B3GALT1: variants seen among roughly 807,000 people sequenced by gnomAD.
B3GALT1 encodes the protein beta-1,3-galactosyltransferase 1.
A neutral mutation model predicts 23.2 loss-of-function variants in B3GALT1; 10 were observed. The observed-to-expected ratio is 0.43, with a 90% CI of 0.27 to 0.73. The LOEUF (loss-of-function observed/expected upper bound fraction) is 0.73, where lower values mean the gene tolerates loss of function less well. B3GALT1 is among the 30% of genes least tolerant of loss of function. The pLI is 0.21. For synonymous variants in B3GALT1, 156 were observed against 141.5 expected, an observed-to-expected ratio of 1.10 and a Z score of -0.73; for missense variants, 299 against 405.4, an observed-to-expected ratio of 0.74 and a Z score of 2.25.
At chr2:167,367,359 G>A (rs1357048673) in intron 1 of B3GALT1, among the ~76,000 whole-genome samples, 4 of 152,142 alleles carry the variant, frequency 2.6e-5, no homozygotes, top group Non-Finnish European at 5.9e-5. Flanking sequence ...TTCCAGTGAG[G>A]ATGTGATGGA....
chr2:167,687,410 A>G, intron 3 of B3GALT1, among the ~76,000 whole-genome samples: 1 of 152,212 alleles, frequency 6.6e-6, no homozygotes, highest in East Asian at 1.9e-4. Context: ...GTGAAAATAT[A>G]CCATGTCATT....
intron 3 of B3GALT1, among the ~76,000 whole-genome samples, chr2:167,786,011 T>G (rs1313580042): frequency 2.0e-5 from 3 of 152,238 alleles, no homozygotes; most frequent in Non-Finnish European, 1.5e-5. Context: ...AAAGCAATTT[T>G]CCCTGCTCAT....
intron 2 of B3GALT1, among the ~76,000 whole-genome samples, chr2:167,539,362 G>A (rs1447787456): frequency 1.3e-5 from 2 of 152,052 alleles, no homozygotes; most frequent in African/African-American, 4.8e-5. Flanking sequence ...CAAAAATAAA[G>A]TGAAAATACC....
At chr2:167,568,984 T>C (rs1320815247) in intron 2 of B3GALT1, among the ~76,000 whole-genome samples, 2 of 152,014 alleles carry the variant, frequency 1.3e-5, no homozygotes, top group Non-Finnish European at 2.9e-5. Flanking sequence ...AAGACCATCA[T>C]TGTTCCATTT....
chr2:167,548,277 G>A (rs1683676775), intron 2 of B3GALT1, among the ~76,000 whole-genome samples: 1 of 152,086 alleles, frequency 6.6e-6, no homozygotes, highest in Admixed American at 6.6e-5. Context: ...CCTTAGAGAA[G>A]GAAATCAAAA....
Position 167,869,582 on chromosome 2 carries a change from T to G in B3GALT1, c.543T>G (p.Phe181Leu). Reference sequence around the variant, plus strand: ...TCATGAAAACAGACAGCGACATTTTTGTAAACATGGACAATCTTATTTATA... The same window carrying G: ...TCATGAAAACAGACAGCGACATTTTGGTAAACATGGACAATCTTATTTATA... ...KYVMKTDSDI[F>L]VNMDNLIYKL... The change falls in exon 5 of 5, where the codon TTT becomes TTG. Residue 181 changes from phenylalanine to leucine, a missense_variant. By Grantham distance (22) the Phe-to-Leu change is conservative. Around this residue, in one of 3 missense-constraint regions of B3GALT1, gnomAD observed 133 missense variants for 204.8 expected, o/e 0.65. Coordinates refer to ENST00000392690, the MANE Select transcript of B3GALT1 (RefSeq NM_020981.4). The surrounding 1 kb of genome is among the most constrained non-coding windows in gnomAD (Gnocchi z 6.4). 6.2e-7 allele frequency: 1 copy of G among 1,614,200 alleles called. No individual in the cohort carries two copies. Among genetic ancestry groups the G allele is most frequent in the Non-Finnish European group, 8.5e-7 (1 of 1,180,026 alleles).
intron 3 of B3GALT1, among the ~76,000 whole-genome samples, chr2:167,680,631 A>G (rs928297003): frequency 4.0e-5 from 6 of 150,932 alleles, no homozygotes; most frequent in Admixed American, 1.3e-4. Flanking sequence ...AGAGCTAGCT[A>G]TTTGTGATTC....
At chr2:167,303,505 T>A (rs1168059550) in intron 1 of B3GALT1, among the ~76,000 whole-genome samples, 1 of 152,118 alleles carries the variant, frequency 6.6e-6, no homozygotes, top group Admixed American at 6.6e-5. Flanking sequence ...TTTAAATCAT[T>A]AGACCAATTA....
At chr2:167,640,411 A>G (rs1390594848) in intron 2 of B3GALT1, among the ~76,000 whole-genome samples, 1 of 151,088 alleles carries the variant, frequency 6.6e-6, no homozygotes, top group Non-Finnish European at 1.5e-5. Context: ...TTTCTTCTCT[A>G]CTCTCATGAA....
intron 3 of B3GALT1, among the ~76,000 whole-genome samples, chr2:167,671,159 C>T (rs1294531784): frequency 6.6e-6 from 1 of 151,838 alleles, no homozygotes; most frequent in Non-Finnish European, 1.5e-5. Context: ...CCTAAATATA[C>T]AAAGCAAATA....
chr2:167,827,743 C>T (rs933726756), intron 4 of B3GALT1, among the ~76,000 whole-genome samples: 8 of 152,194 alleles, frequency 5.3e-5, no homozygotes, highest in Admixed American at 1.3e-4. Flanking sequence ...GAAACCAGAG[C>T]ATTACACAAT....
chr2:167,719,572 C>A (rs1359229539), intron 3 of B3GALT1, among the ~76,000 whole-genome samples: 1 of 152,158 alleles, frequency 6.6e-6, no homozygotes, highest in Non-Finnish European at 1.5e-5. Context: ...TCACTAGATA[C>A]AACTGCTTTG....
rs796265061 is a variant in B3GALT1, at chr2:167,389,566, A to G, written c.-511+96232A>G. On this transcript the variant is annotated intron_variant, in intron 1 of 4. Coordinates refer to ENST00000392690, the MANE Select transcript of B3GALT1 (RefSeq NM_020981.4). ...CACAATAGAGGGCAGCCTAAGTACCAGGAATATCCAGTTCCATGAACAGGC... is the reference window on the plus strand; with the variant it reads ...CACAATAGAGGGCAGCCTAAGTACCGGGAATATCCAGTTCCATGAACAGGC... Among the ~76,000 whole-genome samples the G allele has an allele frequency of 4.6e-5, 7 of 152,326 alleles. 1 individual carries two copies. Among genetic ancestry groups the G allele is most frequent in the African/African-American group, 1.7e-4 (7 of 41,576 alleles).
intron 2 of B3GALT1, among the ~76,000 whole-genome samples, chr2:167,607,578 A>T (rs1431261269): frequency 6.6e-6 from 1 of 152,216 alleles, no homozygotes; most frequent in African/African-American, 2.4e-5. Context: ...GGAGAAAGGA[A>T]CAAAGAAAAG....
intron 3 of B3GALT1, among the ~76,000 whole-genome samples, chr2:167,745,358 T>C (rs1407289091): frequency 1.4e-5 from 2 of 138,282 alleles, no homozygotes; most frequent in African/African-American, 6.8e-5. Flanking sequence ...GTAGACACTG[T>C]TTATTATGAT....
intron 3 of B3GALT1, among the ~76,000 whole-genome samples, chr2:167,670,142 C>T (rs1686297993): frequency 6.6e-6 from 1 of 152,188 alleles, no homozygotes; most frequent in Non-Finnish European, 1.5e-5. Flanking sequence ...GCCTATGAGC[C>T]TCTGAAGATT....
At chr2:167,540,382 A>C (rs920385355) in intron 2 of B3GALT1, among the ~76,000 whole-genome samples, 2 of 152,122 alleles carry the variant, frequency 1.3e-5, no homozygotes, top group African/African-American at 2.4e-5. Flanking sequence ...ACAACTACTG[A>C]ATTAGAATTT....
intron 2 of B3GALT1, among the ~76,000 whole-genome samples, chr2:167,596,118 G>A (rs1210430674): frequency 6.6e-6 from 1 of 152,190 alleles, no homozygotes; most frequent in African/African-American, 2.4e-5. Context: ...GCCTAGAAGA[G>A]CGTAGATATT....
At position 167,432,813 on chromosome 2, in the gene B3GALT1, G is replaced by A. The variant is rs543715793; in HGVS notation, c.-510-57364G>A. Among the ~76,000 whole-genome samples, 21 of 152,264 alleles carry A rather than the reference G, an allele frequency of 1.4e-4. No individual in the cohort carries two copies. The South Asian group carries it at 4.4e-3, about 32-fold the overall frequency. ...GGTTCAAAGCCAAACTGAGCAGGAG[G>A]TACCCAGAGTTCCTGCATACCCTGG... On this transcript the variant is annotated intron_variant, in intron 1 of 4. Transcript: ENST00000392690.
Sources: gnomAD v4.1 joint callset for allele counts (sites outside exome capture counted in the v4.1 genomes callset) on GRCh38, gnomAD v4.1.1 for gene constraint, gnomAD v4.1.1 regional missense constraint, Gnocchi (gnomAD v3.1) non-coding constraint, MANE v1.5 for transcripts, NCBI Gene and HGNC (gene_info 2026-07-23, HGNC 2026-07-21) for gene names.